KAZN: variants seen among roughly 807,000 people sequenced by gnomAD.
The protein encoded by KAZN is kazrin.
In KAZN, 40 loss-of-function variants were observed where a neutral mutation model predicts 87.4. The ratio of observed to expected loss-of-function variants is 0.46; its 90% CI spans 0.36 to 0.60. The LOEUF (loss-of-function observed/expected upper bound fraction) is 0.60. Ranked by LOEUF, KAZN falls within the 20% of genes least tolerant of loss-of-function variation. KAZN has a pLI of 0.00. For synonymous variants in KAZN, 466 were observed against 458.3 expected (o/e 1.02, Z -0.22); for missense variants, 898 against 1,073.9 (o/e 0.84, Z 2.29).
rs1397523826 is a variant in KAZN at position 14,598,741 on chromosome 1, CCTCCTCCTT to C, written c.-248_-240del. The C allele has an allele frequency of 9.0e-6, 12 of 1,333,896 alleles. No homozygotes were observed. The African/African-American group carries it at 1.5e-4, about 17-fold the overall frequency. 82.6% of individuals were successfully genotyped at this position (1,333,896 alleles called of 1,614,324 possible). A position where few individuals can be genotyped will look rare whatever the true frequency, so the allele number is the denominator to read the frequency against. On this transcript the variant is annotated 5_prime_UTR_variant, in exon 1 of 15. Coordinates refer to ENST00000376030, the MANE Select transcript of KAZN (RefSeq NM_201628.3). The surrounding 1 kb of genome is among the most constrained non-coding windows in gnomAD (Gnocchi z 4.2). Reference sequence around the variant, plus strand: ...CGGGGTCTCGGCGATCGCTGCTCCTCCTCCTCCTTCTCCTCCTCTTTTTTCTCCTCCGCC... The same window carrying C: ...CGGGGTCTCGGCGATCGCTGCTCCTCCTCCTCCTCTTTTTTCTCCTCCGCC...
At chr1:14,156,660 C>G (rs1234712594) in intron 1 of KAZN, among the ~76,000 whole-genome samples, 3 of 152,166 alleles carry the variant, frequency 2.0e-5, no homozygotes, top group Admixed American at 6.5e-5. Flanking sequence ...GTAACTCCGA[C>G]TCTTTTTTGG....
intron 1 of KAZN, among the ~76,000 whole-genome samples, chr1:14,102,308 C>T (rs147200105): frequency 6.6e-6 from 1 of 152,200 alleles, no homozygotes; most frequent in African/African-American, 2.4e-5. Context: ...ATAGAGACAG[C>T]CTGGGAAAAA....
intron 1 of KAZN, among the ~76,000 whole-genome samples, chr1:13,938,910 G>A (rs1326136652): frequency 1.1e-4 from 16 of 152,246 alleles, no homozygotes. Flanking sequence ...AGCTAGAGCT[G>A]GAGCAGGAGG....
Position 14,599,073 on chromosome 1 carries a change from C to G in KAZN, c.76C>G (p.Leu26Val), listed in dbSNP as rs750639677. 35 of 1,561,502 alleles carry G rather than the reference C, an allele frequency of 2.2e-5. No homozygotes were observed. Among genetic ancestry groups the G allele is most frequent in the Non-Finnish European group, 2.8e-5 (32 of 1,158,618 alleles). The change falls in exon 1 of 15, where the codon CTG becomes GTG. Residue 26 changes from leucine (L) to valine (V), a missense_variant. Around this residue, in one of 3 missense-constraint regions of KAZN, gnomAD observed 250 missense variants for 263.0 expected, o/e 0.95. Coordinates refer to ENST00000376030, the MANE Select transcript of KAZN (RefSeq NM_201628.3). The surrounding 1 kb of genome is among the most constrained non-coding windows in gnomAD (Gnocchi z 4.4). ...VQSASQEVTN[L>V]RAELTATNRR... ...GTCGGCCAGCCAGGAGGTGACCAAC[C>G]TGCGAGCCGAACTCACGGCCACCAA...
At chr1:14,113,426 C>A (rs1417344129) in intron 1 of KAZN, among the ~76,000 whole-genome samples, 3 of 152,180 alleles carry the variant, frequency 2.0e-5, no homozygotes, top group Admixed American at 6.5e-5. Flanking sequence ...AAGTAAAGCA[C>A]TTTCCCCGAA....
chr1:13,930,952 G>A (rs1167188724), intron 1 of KAZN, among the ~76,000 whole-genome samples: 1 of 152,154 alleles, frequency 6.6e-6, no homozygotes, highest in Admixed American at 6.5e-5. Flanking sequence ...ATGGCCTTGT[G>A]GGTCCTGGCT....
intron 1 of KAZN, among the ~76,000 whole-genome samples, chr1:14,665,398 G>A (rs1220157489): frequency 6.6e-6 from 1 of 151,964 alleles, no homozygotes; most frequent in African/African-American, 2.4e-5. Flanking sequence ...GACATTTATC[G>A]ACTCTGCTGA....
At position 14,641,132 on chromosome 1, in the gene KAZN, G is replaced by T. The variant is rs141916228; in HGVS notation, c.226+41909G>T. On this transcript the variant is annotated intron_variant, in intron 1 of 14. Coordinates refer to ENST00000376030, the MANE Select transcript of KAZN (RefSeq NM_201628.3). ...ACTGTAAATCTGATTGGTCAGGCTG[G>T]GTCATGGAGCTAAGAAGTAGAGTCA... Among the ~76,000 whole-genome samples the T allele has an allele frequency of 4.4e-4, 67 of 152,284 alleles. 1 individual carries two copies. The highest frequency in any genetic ancestry group is 1.6e-3 in the African/African-American group (67 of 41,556).
intron 1 of KAZN, among the ~76,000 whole-genome samples, chr1:14,817,389 G>A (rs551485968): frequency 1.3e-5 from 2 of 152,180 alleles, no homozygotes; most frequent in African/African-American, 2.4e-5. Flanking sequence ...ACTACATACT[G>A]CAGATACCAA....
intron 1 of KAZN, among the ~76,000 whole-genome samples, chr1:14,898,502 C>G (rs916093127): frequency 3.3e-5 from 5 of 152,152 alleles, no homozygotes; most frequent in African/African-American, 1.2e-4. Context: ...AAGCTGAAAA[C>G]TGGATGACAT....
chr1:14,606,355 C>A (rs972455256), intron 1 of KAZN, among the ~76,000 whole-genome samples: 2 of 152,130 alleles, frequency 1.3e-5, no homozygotes, highest in Non-Finnish European at 2.9e-5. Context: ...TGGGTCCTTA[C>A]GGTAAAGTCT....
chr1:15,049,013 T>C (rs1673998231), intron 4 of KAZN, among the ~76,000 whole-genome samples: 1 of 152,210 alleles, frequency 6.6e-6, no homozygotes, highest in Non-Finnish European at 1.5e-5. Context: ...CCCGTCTTCA[T>C]GCGCAGTCAC....
chr1:14,739,817 G>A (rs181424930), intron 1 of KAZN, among the ~76,000 whole-genome samples: 1 of 151,278 alleles, frequency 6.6e-6, no homozygotes, highest in Admixed American at 6.5e-5. Context: ...GTCTGCCCAC[G>A]TGCAAACAGA....
At position 14,416,319 on chromosome 1, in the gene KAZN, A is replaced by G. The variant is rs974936884; in HGVS notation, c.250-182664A>G. ...CTTGGCACTGATGGATTGTTTGGGT[A>G]TAAAATATTACGGAATGTCACTAGA... On this transcript the variant is annotated intron_variant, in intron 2 of 16. Coordinates refer to the KAZN transcript ENST00000636203. Among the ~76,000 whole-genome samples, 3 of 152,250 alleles carry G rather than the reference A, an allele frequency of 2.0e-5. No individual in the cohort carries two copies. The South Asian group carries it at 6.2e-4, about 32-fold the overall frequency.
chr1:15,058,590 C>T (rs1345060397), intron 5 of KAZN, among the ~76,000 whole-genome samples: 2 of 152,226 alleles, frequency 1.3e-5, no homozygotes, highest in East Asian at 3.9e-4. Context: ...ACCTTCCATT[C>T]AACCACTATT....
rs141595295 is a variant in KAZN, at chr1:15,016,446, C to T, written c.419-18303C>T. ...GATTACAGGCGCATGCCACCGTGCC[C>T]GGCTCAATTTTGTATTTTTAGTACA... On this transcript the variant is annotated intron_variant, in intron 2 of 14. Transcript: ENST00000376030. Among the ~76,000 whole-genome samples the T allele has an allele frequency of 6.5e-3, 983 of 152,212 alleles. 4 individuals are homozygous for T. The highest frequency in any genetic ancestry group is 0.01 in the Middle Eastern group (3 of 294).
intron 2 of KAZN, among the ~76,000 whole-genome samples, chr1:14,593,555 T>C (rs1676324046): frequency 6.6e-6 from 1 of 152,184 alleles, no homozygotes; most frequent in African/African-American, 2.4e-5. Flanking sequence ...AGCAGGATTG[T>C]TTTGGAAACC....
At chr1:14,471,271 A>G (rs1399212757) in intron 2 of KAZN, among the ~76,000 whole-genome samples, 1 of 152,142 alleles carries the variant, frequency 6.6e-6, no homozygotes, top group South Asian at 2.1e-4. Context: ...ATTTGCCTCT[A>G]TAATTATAAT....
chr1:14,774,128 C>T (rs968883526), intron 1 of KAZN, among the ~76,000 whole-genome samples: 2 of 152,188 alleles, frequency 1.3e-5, no homozygotes, highest in African/African-American at 2.4e-5. Context: ...CCCTAAGCCT[C>T]GACTTCTCTT....
Sources: gnomAD v4.1 joint callset for allele counts (sites outside exome capture counted in the v4.1 genomes callset) on GRCh38, gnomAD v4.1.1 for gene constraint, gnomAD v4.1.1 regional missense constraint, Gnocchi (gnomAD v3.1) non-coding constraint, MANE v1.5 for transcripts, NCBI Gene and HGNC (gene_info 2026-07-23, HGNC 2026-07-21) for gene names.